The following NRXN3 variants were observed in gnomAD, a reference collection of about 807,000 sequenced individuals.
The protein encoded by NRXN3 is neurexin 3.
NRXN3 carries 32 observed loss-of-function variants against 137.6 expected under a neutral mutation model. The ratio of observed to expected loss-of-function variants is 0.23; its 90% CI spans 0.18 to 0.31. The LOEUF is 0.31. Among genes scored for constraint, NRXN3 ranks in the 10% least tolerant of loss-of-function variants. The pLI, the probability that NRXN3 is intolerant of heterozygous loss-of-function variation, is 1.00. For synonymous variants in NRXN3, 798 were observed against 784.5 expected, an observed-to-expected ratio of 1.02 and a Z score of -0.29; for missense variants, 1,574 against 2,062.5, an observed-to-expected ratio of 0.76 and a Z score of 4.59.
At chr14:78,870,783 A>G (rs1025999582) in intron 10 of NRXN3, among the ~76,000 whole-genome samples, 2 of 151,776 alleles carry the variant, frequency 1.3e-5, no homozygotes, top group Non-Finnish European at 2.9e-5. Flanking sequence ...GAGAGTATGC[A>G]ATATTTGTAT....
chr14:79,566,141 A>G (rs374953120), intron 16 of NRXN3, among the ~76,000 whole-genome samples: 11 of 152,168 alleles, frequency 7.2e-5, no homozygotes, highest in African/African-American at 2.6e-4. Context: ...CAGGGAAGAA[A>G]TCCTTAGCAG....
intron 15 of NRXN3, among the ~76,000 whole-genome samples, chr14:79,436,113 G>A (rs750941661): frequency 4.0e-5 from 6 of 151,870 alleles, no homozygotes; most frequent in Non-Finnish European, 7.4e-5. Flanking sequence ...CTTTTTCATT[G>A]GGGGACACTG....
intron 7 of NRXN3, among the ~76,000 whole-genome samples, chr14:78,710,907 C>G (rs1156477433): frequency 6.6e-6 from 1 of 152,212 alleles, no homozygotes. Context: ...CAAGAGCCTT[C>G]AAATTAAATG....
At chr14:79,455,818 A>G (rs540209952) in intron 15 of NRXN3, among the ~76,000 whole-genome samples, 29 of 151,810 alleles carry the variant, frequency 1.9e-4, no homozygotes, top group African/African-American at 7.0e-4. Flanking sequence ...ACTTTGGGAT[A>G]TTTTTAACTT....
intron 15 of NRXN3, among the ~76,000 whole-genome samples, chr14:79,145,090 A>G (rs1437061799): frequency 6.6e-6 from 1 of 152,060 alleles, no homozygotes; most frequent in East Asian, 1.9e-4. Context: ...TTTAAATGGA[A>G]AGCCCTGTCT....
chr14:78,299,454 A>G (rs946677502), intron 4 of NRXN3, among the ~76,000 whole-genome samples: 1 of 152,046 alleles, frequency 6.6e-6, no homozygotes, highest in African/African-American at 2.4e-5. Flanking sequence ...TTAGAGTCCC[A>G]ATAAGCCCCT....
chr14:79,540,529 T>C (rs1314675995), intron 16 of NRXN3, among the ~76,000 whole-genome samples: 1 of 152,192 alleles, frequency 6.6e-6, no homozygotes, highest in Non-Finnish European at 1.5e-5. Flanking sequence ...GCTTATTCCC[T>C]CCATTTAACT....
At chr14:79,479,880 C>T (rs2096591778) in intron 16 of NRXN3, among the ~76,000 whole-genome samples, 1 of 152,000 alleles carries the variant, frequency 6.6e-6, no homozygotes, top group Non-Finnish European at 1.5e-5. Context: ...AACTTTAGTT[C>T]CCAAATCTCA....
chr14:79,260,002 A>G (rs79126409), intron 15 of NRXN3, among the ~76,000 whole-genome samples: 4,188 of 152,202 alleles, frequency 0.028, 213 homozygotes, highest in African/African-American at 0.095. Flanking sequence ...GCCAGAGCAT[A>G]ATTGCTGATA....
intron 6 of NRXN3, chr14:78,697,869 C>A (rs1470702287): frequency 6.6e-6 from 1 of 152,022 alleles, no homozygotes; most frequent in Non-Finnish European, 1.5e-5. Context: ...CTATCACTTT[C>A]CCCACCTCTT....
chr14:79,484,155 G>C (rs924869270), intron 16 of NRXN3, among the ~76,000 whole-genome samples: 2 of 152,194 alleles, frequency 1.3e-5, no homozygotes, highest in Non-Finnish European at 2.9e-5. Flanking sequence ...ATCTAAAATA[G>C]AGTCATTCCC....
chr14:79,438,753 A>G (rs565709043), intron 15 of NRXN3, among the ~76,000 whole-genome samples: 63 of 152,386 alleles, frequency 4.1e-4, no homozygotes, highest in African/African-American at 1.4e-3. Flanking sequence ...AGTACCTGAA[A>G]GAGCATTTTT....
chr14:78,417,091 GA>G (rs2153670988), intron 4 of NRXN3, among the ~76,000 whole-genome samples: 1 of 152,260 alleles, frequency 6.6e-6, no homozygotes, highest in South Asian at 2.1e-4. Context: ...CAATCTCCCT[GA>G]AATGCAAGGT....
At chr14:79,512,543 A>G (rs1567342565) in intron 16 of NRXN3, among the ~76,000 whole-genome samples, 1 of 152,238 alleles carries the variant, frequency 6.6e-6, no homozygotes, top group South Asian at 2.1e-4. Flanking sequence ...TCAATTCAAA[A>G]CATAATAAAA....
At chr14:79,240,208 T>C (rs892629329) in intron 15 of NRXN3, among the ~76,000 whole-genome samples, 2 of 152,150 alleles carry the variant, frequency 1.3e-5, no homozygotes, top group African/African-American at 4.8e-5. Context: ...AAGTCTTCTT[T>C]TTAAATTTTA....
chr14:78,639,420 C>G (rs1233913813), intron 4 of NRXN3, among the ~76,000 whole-genome samples: 2 of 152,208 alleles, frequency 1.3e-5, no homozygotes, highest in Non-Finnish European at 2.9e-5. Context: ...GCTACAGCCA[C>G]TTCAGAGGGG....
intron 14 of NRXN3, among the ~76,000 whole-genome samples, chr14:78,973,153 A>C (rs2099449815): frequency 6.6e-6 from 1 of 152,200 alleles, no homozygotes; most frequent in South Asian, 2.1e-4. Flanking sequence ...GGGGGTACCA[A>C]AGAGGTTTGA....
intron 16 of NRXN3, among the ~76,000 whole-genome samples, chr14:79,490,038 CA>C (rs370581169): frequency 0.041 from 2,987 of 72,788 alleles, 68 homozygotes; most frequent in East Asian, 0.21. Flanking sequence ...TACTCCATCT[CA>C]AAAAAAAAAA....
chr14:78,984,677 C>T (rs547326345), intron 14 of NRXN3, among the ~76,000 whole-genome samples: 1 of 152,276 alleles, frequency 6.6e-6, no homozygotes, highest in African/African-American at 2.4e-5. Flanking sequence ...ACTCAGATTC[C>T]TCAATTCTGC....
Sources: gnomAD v4.1 joint callset for allele counts (sites outside exome capture counted in the v4.1 genomes callset) on GRCh38, gnomAD v4.1.1 for gene constraint, MANE v1.5 for transcripts, NCBI Gene and HGNC (gene_info 2026-07-23, HGNC 2026-07-21) for gene names.